The following TXNRD1 variants were observed in gnomAD, a reference collection of about 807,000 sequenced individuals.
TXNRD1 encodes thioredoxin reductase 1, cytoplasmic.
TXNRD1 carries 57 observed loss-of-function variants against 80.3 expected under a neutral mutation model. The observed-to-expected ratio is 0.71, with a 90% CI of 0.57 to 0.89. The LOEUF (loss-of-function observed/expected upper bound fraction) is 0.89. Ranked by LOEUF, TXNRD1 falls within the 40% of genes least tolerant of loss-of-function variation. The pLI is 0.00. For synonymous variants in TXNRD1, 291 were observed against 285.2 expected (o/e 1.02, Z -0.20); for missense variants, 730 against 803.0 (o/e 0.91, Z 1.10).
intron 7 of TXNRD1, among the ~76,000 whole-genome samples, chr12:104,317,365 CTTTTTTT>C (rs68031758): frequency 7.7e-5 from 9 of 116,334 alleles, no homozygotes; most frequent in Non-Finnish European, 1.6e-4. Flanking sequence ...TCTGCAGTTA[CTTTTTTT>C]TTTTTTTTTT....
At chr12:104,265,554 G>A in intron 3 of TXNRD1, 1 of 1,608,970 alleles carries the variant, frequency 6.2e-7, no homozygotes. Flanking sequence ...GGATCTGGCT[G>A]CGCTATGACT....
chr12:104,333,401 A>G (rs1201980813), intron 14 of TXNRD1, among the ~76,000 whole-genome samples: 1 of 152,080 alleles, frequency 6.6e-6, no homozygotes, highest in Non-Finnish European at 1.5e-5. Context: ...GGAAAGAGGA[A>G]ACAATTACTT....
At chr12:104,262,939 C>T (rs2033400522) in intron 3 of TXNRD1, among the ~76,000 whole-genome samples, 1 of 152,140 alleles carries the variant, frequency 6.6e-6, no homozygotes, top group African/African-American at 2.4e-5. Flanking sequence ...AGAAGTTGTG[C>T]TACCAGGGGA....
At chr12:104,270,657 C>A (rs1001215639) in intron 3 of TXNRD1, among the ~76,000 whole-genome samples, 1 of 151,976 alleles carries the variant, frequency 6.6e-6, no homozygotes, top group Non-Finnish European at 1.5e-5. Context: ...TTAATATGGC[C>A]ATTATTTGAT....
intron 13 of TXNRD1, among the ~76,000 whole-genome samples, chr12:104,329,629 CAG>C (rs983981397): frequency 3.6e-4 from 54 of 151,538 alleles, no homozygotes; most frequent in African/African-American, 1.2e-3. Flanking sequence ...GCCTGGGCAT[CAG>C]AGTAAGACCC....
chr12:104,305,637 A>G (rs1253231067), intron 4 of TXNRD1, among the ~76,000 whole-genome samples: 7 of 152,222 alleles, frequency 4.6e-5, no homozygotes, highest in Admixed American at 3.9e-4. Context: ...GGACCATTAG[A>G]TTTATGGAAA....
At chr12:104,324,467 T>A (rs566373141) in intron 10 of TXNRD1, among the ~76,000 whole-genome samples, 1 of 151,088 alleles carries the variant, frequency 6.6e-6, no homozygotes, top group South Asian at 2.1e-4. Context: ...TTCTTCTGCC[T>A]CAGCCTCCCA....
intron 9 of TXNRD1, 49 bp downstream of exon 9, chr12:104,319,634 C>T (rs2035459664): frequency 3.6e-6 from 5 of 1,375,312 alleles, no homozygotes; most frequent in Non-Finnish European, 5.0e-6. Flanking sequence ...GTGGATATTG[C>T]TTTCGCATTT....
At chr12:104,275,208 G>T (rs998770422) in intron 3 of TXNRD1, among the ~76,000 whole-genome samples, 15 of 151,360 alleles carry the variant, frequency 9.9e-5, no homozygotes, top group African/African-American at 3.6e-4. Flanking sequence ...AACCCAGGAG[G>T]CAGAGGTTGC....
rs567683641 is a variant in TXNRD1, at chr12:104,334,443, C to T, written c.1746+111C>T. The stretch of plus-strand genomic sequence containing the variant: ...TGTTGCCCAGGCTGGAGTGCAGTGG[C>T]GCTATCTCTGCTCACTGCAACCTCC... On this transcript the variant is annotated intron_variant, in intron 15 of 16. Coordinates refer to ENST00000525566, the MANE Select transcript of TXNRD1 (RefSeq NM_001093771.3). The T allele has an allele frequency of 1.3e-4, 63 of 494,234 alleles. 1 individual carries two copies. In the South Asian group the frequency reaches 1.6e-3, roughly 12 times the overall value. 30.6% of individuals were successfully genotyped at this position (494,234 alleles called of 1,614,324 possible).
chr12:104,296,664 A>C (rs951870779), intron 4 of TXNRD1, among the ~76,000 whole-genome samples: 2 of 152,198 alleles, frequency 1.3e-5, no homozygotes, highest in Non-Finnish European at 2.9e-5. Flanking sequence ...CATTCAGTAA[A>C]TATGTATTGA....
At chr12:104,281,961 A>G (rs2033888917) in intron 3 of TXNRD1, among the ~76,000 whole-genome samples, 2 of 152,176 alleles carry the variant, frequency 1.3e-5, no homozygotes, top group South Asian at 4.1e-4. Context: ...GGATTCTTGG[A>G]TAAGTCAAGC....
chr12:104,321,473 C>T (rs911169656), intron 10 of TXNRD1, among the ~76,000 whole-genome samples, 157 bp downstream of exon 10: 5 of 152,194 alleles, frequency 3.3e-5, no homozygotes, highest in African/African-American at 4.8e-5. Flanking sequence ...TTGTACCTCC[C>T]TACCATCTAA....
chr12:104,265,294 C>G (rs141902128), intron 3 of TXNRD1: 69,667 of 1,582,598 alleles, frequency 0.044, 2,382 homozygotes, highest in East Asian at 0.21. Context: ...TGGCGGCGAA[C>G]GCGGAGAGCA....
chr12:104,264,876 G>A (rs1286322156), intron 3 of TXNRD1, among the ~76,000 whole-genome samples: 1 of 152,158 alleles, frequency 6.6e-6, no homozygotes, highest in East Asian at 1.9e-4. Context: ...ACAATTCTAA[G>A]GTTCTAGAGC....
intron 3 of TXNRD1, chr12:104,287,509 G>A: frequency 6.3e-7 from 1 of 1,599,900 alleles, no homozygotes; most frequent in Non-Finnish European, 8.5e-7. Flanking sequence ...AGATCCTTGA[G>A]AATATTAAGA....
rs372984296 is a variant in TXNRD1 at position 104,251,570 on chromosome 12, A to G, written c.135A>G (p.Ala45=). The part of the protein sequence containing the change: ...HPGKTLPENP[A]GFTSTATADS... Reference sequence around the variant, plus strand: ...GTAAAACTTTGCCAGAGAACCCAGCAGGATTCACCAGCACGGCCACTGCAG... The same window carrying G: ...GTAAAACTTTGCCAGAGAACCCAGCGGGATTCACCAGCACGGCCACTGCAG... The change falls in exon 2 of 17, where the codon GCA becomes GCG. Residue 45 remains alanine (A), a synonymous_variant. Coordinates refer to ENST00000525566, the MANE Select transcript of TXNRD1 (RefSeq NM_001093771.3). 5.4e-5 allele frequency: 87 copies of G among 1,613,874 alleles called. No homozygotes were observed. The highest frequency in any genetic ancestry group is 1.6e-4 in the Middle Eastern group (1 of 6,084).
rs200415733 is a variant in TXNRD1, at chr12:104,253,642, CT to C, written c.243+1972del. The stretch of plus-strand genomic sequence containing the variant: ...CCTCCCCCGCACCGCCTGCCACTTC[CT>C]TTTTTTTAATCTTTAAAATGAAGGG... On this transcript the variant is annotated intron_variant, in intron 2 of 16. Transcript: ENST00000525566. Among the ~76,000 whole-genome samples the C allele has an allele frequency of 2.9e-4, 44 of 151,982 alleles. No homozygotes were observed. The East Asian group carries it at 8.3e-3, about 29-fold the overall frequency.
At position 104,255,332 on chromosome 12, in the gene TXNRD1, TCTTA is replaced by T. The variant is rs2033225348; in HGVS notation, c.244-2684_244-2681del. On this transcript the variant is annotated intron_variant, in intron 2 of 16. Transcript: ENST00000525566. ...CTATTATGCCCCAGAATGTTCTTAT[TCTTA>T]CTGTTATCTCTGAAATCTACTAACT... is the stretch of plus-strand genomic sequence containing the variant. 2.0e-5 allele frequency among the ~76,000 whole-genome samples: 3 copies of T among 152,170 alleles called. No individual in the cohort carries two copies. In the South Asian group the frequency reaches 6.2e-4, roughly 32 times the overall value.
Sources: allele counts gnomAD v4.1 joint callset (sites outside exome capture counted in the v4.1 genomes callset), GRCh38; gene constraint gnomAD v4.1.1; transcripts MANE v1.5; gene names NCBI Gene and HGNC (gene_info 2026-07-23, HGNC 2026-07-21).